GPC3: variants seen among roughly 807,000 people sequenced by gnomAD.
GPC3 encodes the protein glypican 3.
Under a neutral mutation model 34.4 loss-of-function variants are expected in GPC3, and 3 were observed. The observed-to-expected ratio is 0.09, with a 90% CI of 0.04 to 0.23. The LOEUF (loss-of-function observed/expected upper bound fraction) is 0.23, where lower values mean the gene tolerates loss of function less well. Ranked by LOEUF, GPC3 falls within the 10% of genes least tolerant of loss-of-function variation. The pLI is 1.00. For missense variants in GPC3, 351 were observed against 445.6 expected (o/e 0.79, Z 1.91); for synonymous variants, 177 against 174.0 (o/e 1.02, Z -0.13).
At chrX:133,549,863 C>G (rs949968706) in intron 7 of GPC3, among the ~76,000 whole-genome samples, 2 of 96,346 alleles carry the variant, frequency 2.1e-5, no homozygotes, top group Admixed American at 2.3e-4. Flanking sequence ...TTCCCTCCCT[C>G]TCTCTCTTCC....
At chrX:133,807,001 T>C (rs1434393859) in intron 2 of GPC3, among the ~76,000 whole-genome samples, 2 of 111,385 alleles carry the variant, frequency 1.8e-5, no homozygotes, top group African/African-American at 6.5e-5. Flanking sequence ...AAAGAAAGGA[T>C]AAACGAGTGA....
At chrX:133,777,616 G>A (rs756999420) in intron 2 of GPC3, among the ~76,000 whole-genome samples, 17 of 111,923 alleles carry the variant, frequency 1.5e-4, no homozygotes, top group Non-Finnish European at 3.0e-4. Context: ...AATTACATAT[G>A]TTGAAATCTG....
chrX:133,908,680 T>C lies in GPC3; in HGVS notation c.337+44370A>G, dbSNP rs376030567. ...CTATACTTGAACATAATACTCCAGA[T>C]GTGGTCTGAGCAGCACACATGCTTC... On this transcript the variant is annotated intron_variant, in intron 2 of 7. Coordinates refer to ENST00000370818, the MANE Select transcript of GPC3 (RefSeq NM_004484.4). Among the ~76,000 whole-genome samples the C allele has an allele frequency of 2.4e-4, 27 of 111,355 alleles. 3 individuals carry two copies. The East Asian group carries it at 3.9e-3, about 16-fold the overall frequency.
chrX:133,774,889 G>A (rs746861500), intron 2 of GPC3, among the ~76,000 whole-genome samples: 2 of 111,468 alleles, frequency 1.8e-5, no homozygotes, highest in Admixed American at 9.5e-5. Flanking sequence ...CAGAGCCCAA[G>A]AAGGCAGTTT....
chrX:133,752,541 T>C (rs1355552232), intron 3 of GPC3, among the ~76,000 whole-genome samples: 1 of 111,620 alleles, frequency 9.0e-6, no homozygotes, highest in Non-Finnish European at 1.9e-5. Context: ...TCTACAAAGC[T>C]GGCAGCATTC....
At chrX:133,598,305 A>G (rs986687352) in intron 6 of GPC3, among the ~76,000 whole-genome samples, 1 of 107,129 alleles carries the variant, frequency 9.3e-6, no homozygotes, top group African/African-American at 3.5e-5. Flanking sequence ...GGTGTGTGAC[A>G]CCATCCCCAG....
At chrX:133,839,501 A>G (rs2075814284) in intron 2 of GPC3, among the ~76,000 whole-genome samples, 1 of 111,653 alleles carries the variant, frequency 9.0e-6, no homozygotes, top group South Asian at 3.8e-4. Context: ...AGTTGAAGGG[A>G]AAAAAGTTTA....
chrX:133,807,188 A>C (rs928430063), intron 2 of GPC3, among the ~76,000 whole-genome samples: 1 of 110,415 alleles, frequency 9.1e-6, no homozygotes, highest in African/African-American at 3.3e-5. Flanking sequence ...TCCCATCCTC[A>C]CAGTAATGAG....
chrX:133,627,279 G>A (rs919798338), intron 6 of GPC3, among the ~76,000 whole-genome samples: 6 of 109,762 alleles, frequency 5.5e-5, no homozygotes, highest in Non-Finnish European at 9.5e-5. Context: ...AAACCTGCAC[G>A]CTGTGCACAT....
chrX:133,756,324 T>A (rs2071725646), intron 2 of GPC3, among the ~76,000 whole-genome samples: 2 of 112,032 alleles, frequency 1.8e-5, no homozygotes, highest in Admixed American at 1.9e-4. Flanking sequence ...GAAAGTACAG[T>A]TCTATTTTAA....
At chrX:133,663,819 C>T (rs1022335945) in intron 5 of GPC3, among the ~76,000 whole-genome samples, 6 of 111,379 alleles carry the variant, frequency 5.4e-5, no homozygotes, top group East Asian at 2.8e-4. Flanking sequence ...GTGTTAATAA[C>T]GACAAACTGA....
intron 5 of GPC3, among the ~76,000 whole-genome samples, chrX:133,685,220 T>C (rs987500698): frequency 9.0e-6 from 1 of 111,578 alleles, no homozygotes; most frequent in East Asian, 2.8e-4. Context: ...TCCTAGATCA[T>C]AGGGGAAAAA....
At chrX:133,937,949 T>C (rs2076329889) in intron 2 of GPC3, among the ~76,000 whole-genome samples, 1 of 111,840 alleles carries the variant, frequency 8.9e-6, no homozygotes, top group Non-Finnish European at 1.9e-5. Context: ...AATGATCATC[T>C]CTTTCCATGT....
chrX:133,887,547 T>A (rs1014719655), intron 2 of GPC3, among the ~76,000 whole-genome samples: 2 of 112,157 alleles, frequency 1.8e-5, no homozygotes, highest in African/African-American at 6.5e-5. Flanking sequence ...TATTGAGTTG[T>A]TTGAGTTCCT....
chrX:133,712,126 G>T (rs1339043629), intron 3 of GPC3, among the ~76,000 whole-genome samples: 1 of 112,036 alleles, frequency 8.9e-6, no homozygotes. Context: ...TGAAAAAGGA[G>T]ATTAGAAGAC....
intron 7 of GPC3, among the ~76,000 whole-genome samples, chrX:133,579,335 A>G (rs2069713699): frequency 1.8e-5 from 2 of 111,796 alleles, no homozygotes; most frequent in Non-Finnish European, 3.8e-5. Context: ...CAACTACACT[A>G]GGAACTTCTA....
intron 2 of GPC3, among the ~76,000 whole-genome samples, chrX:133,860,402 G>T (rs1402155628): frequency 9.0e-6 from 1 of 111,084 alleles, no homozygotes; most frequent in Admixed American, 9.6e-5. Context: ...AGTATTCACA[G>T]CCCTCTTGAG....
At chrX:133,658,294 T>C (rs969628155) in intron 6 of GPC3, among the ~76,000 whole-genome samples, 1 of 112,478 alleles carries the variant, frequency 8.9e-6, no homozygotes, top group African/African-American at 3.2e-5. Flanking sequence ...ATTTATCCCT[T>C]ACCTTCTGAA....
intron 1 of GPC3, among the ~76,000 whole-genome samples, chrX:133,967,215 A>G (rs1356751742): frequency 8.9e-6 from 1 of 112,426 alleles, no homozygotes; most frequent in African/African-American, 3.2e-5. Context: ...TTATGAATGC[A>G]ACACATAAAA....
Sources: gnomAD v4.1 joint callset for allele counts (sites outside exome capture counted in the v4.1 genomes callset) on GRCh38, gnomAD v4.1.1 for gene constraint, MANE v1.5 for transcripts, NCBI Gene and HGNC (gene_info 2026-07-23, HGNC 2026-07-21) for gene names.